The following CEP170 variants were observed in gnomAD, a reference collection of about 807,000 sequenced individuals.
CEP170 encodes the protein centrosomal protein 170, also known as centrosomal protein of 170 kDa.
A neutral mutation model predicts 151.9 loss-of-function variants in CEP170; 21 were observed. That is an observed-to-expected ratio of 0.14 (90% confidence interval 0.10 to 0.20). CEP170 has a LOEUF of 0.20. CEP170 is among the 10% of genes least tolerant of loss of function. The pLI is 1.00. For missense variants in CEP170, 964 were observed against 1,892.9 expected, an observed-to-expected ratio of 0.51 and a Z score of 9.11; for synonymous variants, 356 against 648.8, an observed-to-expected ratio of 0.55 and a Z score of 6.86.
chr1:243,132,115 G>T (rs1280029235), intron 17 of CEP170, among the ~76,000 whole-genome samples: 1 of 152,146 alleles, frequency 6.6e-6, no homozygotes, highest in Admixed American at 6.5e-5. Flanking sequence ...TACAATGTAA[G>T]TACGCATGCC....
intron 4 of CEP170, among the ~76,000 whole-genome samples, chr1:243,206,326 G>GT (rs2061419643): frequency 6.6e-6 from 1 of 152,194 alleles, no homozygotes; most frequent in African/African-American, 2.4e-5. Context: ...TAGAGACAGG[G>GT]TTTCCCCATG....
Position 243,164,968 on chromosome 1 carries a change from C to T in CEP170, c.2992G>A (p.Asp998Asn). ...MEKKTKSRSTDVGSRADGRKF... is the reference protein window; with the variant it reads ...MEKKTKSRSTNVGSRADGRKF... ...CGACCATCTGCTCTTGAACCCACAT[C>T]TGTGGAACGACTTTTTGTTTTCTTT... Residue 998 changes from aspartate to asparagine, a missense_variant, in exon 13 of 20, where the codon GAT becomes AAT. Physicochemically the swap from Asp to Asn is conservative, Grantham distance 23. Coordinates refer to ENST00000366542, the MANE Select transcript of CEP170 (RefSeq NM_014812.3). The T allele has an allele frequency of 6.2e-7, 1 of 1,613,886 alleles. No individual in the cohort carries two copies. Among genetic ancestry groups the T allele is most frequent in the African/African-American group, 1.3e-5 (1 of 75,072 alleles).
At position 243,126,062 on chromosome 1, in the gene CEP170, G is replaced by C; in HGVS notation, c.*387C>G. ...TACAGATGAAGAAGTCCATTTCAGG[G>C]AGCAGCTTGGCACAGGAGACTTAGG... On this transcript the variant is annotated 3_prime_UTR_variant, in exon 20 of 20. Transcript: ENST00000366542. 4.4e-6 allele frequency: 2 copies of C among 458,744 alleles called. No individual in the cohort carries two copies. The highest frequency in any genetic ancestry group is 6.9e-5 in the East Asian group (1 of 14,480). The allele number at this position is 458,744 out of a possible 1,614,324, so 28.4% of individuals were successfully genotyped here.
chr1:243,194,241 C>T (rs1407327494), intron 7 of CEP170, among the ~76,000 whole-genome samples: 1 of 151,898 alleles, frequency 6.6e-6, no homozygotes, highest in Non-Finnish European at 1.5e-5. Flanking sequence ...AGTCCAGTAC[C>T]ATTCAGTATA....
At chr1:243,159,763 T>TTGTG (rs565534328) in intron 13 of CEP170, among the ~76,000 whole-genome samples, 5,226 of 127,114 alleles carry the variant, frequency 0.041, 184 homozygotes, top group African/African-American at 0.089. Flanking sequence ...GTTTCCGGTT[T>TTGTG]TGTGTGTGTG....
At chr1:243,216,867 G>A (rs2062348896) in intron 3 of CEP170, among the ~76,000 whole-genome samples, 2 of 152,182 alleles carry the variant, frequency 1.3e-5, no homozygotes, top group African/African-American at 4.8e-5. Flanking sequence ...CCAAAATGAA[G>A]ACTTCAGTGT....
chr1:243,241,730 C>G (rs1365028357), intron 1 of CEP170, among the ~76,000 whole-genome samples: 4 of 149,846 alleles, frequency 2.7e-5, no homozygotes, highest in Non-Finnish European at 5.9e-5. Flanking sequence ...GCAGAGGTTG[C>G]AGAGAGCCGA....
At position 243,150,866 on chromosome 1, in the gene CEP170, C is replaced by T. The variant is rs2789245; in HGVS notation, c.3911+5355G>A. 6.8e-3 allele frequency among the ~76,000 whole-genome samples: 1,039 copies of T among 152,240 alleles called. 14 individuals carry two copies. Among genetic ancestry groups the T allele is most frequent in the African/African-American group, 0.024 (986 of 41,546 alleles). On this transcript the variant is annotated intron_variant, in intron 14 of 19. Transcript: ENST00000366542. The stretch of plus-strand genomic sequence containing the variant: ...GTTGGCACCATTACGTCCATTTTAC[C>T]GATGAGATCACTAGAACACATTTAA...
chr1:243,222,485 C>T (rs954640851), intron 2 of CEP170, among the ~76,000 whole-genome samples: 3 of 152,272 alleles, frequency 2.0e-5, no homozygotes, highest in Non-Finnish European at 2.9e-5. Context: ...TGGAAGCACC[C>T]AAAAGCAGAA....
At chr1:243,199,864 A>C (rs1474689494) in intron 6 of CEP170, among the ~76,000 whole-genome samples, 2 of 152,056 alleles carry the variant, frequency 1.3e-5, no homozygotes, top group Non-Finnish European at 2.9e-5. Flanking sequence ...TTTGATTTAA[A>C]AAATTTTTCT....
intron 12 of CEP170, chr1:243,168,327 A>G (rs2058588300): frequency 6.6e-6 from 1 of 152,004 alleles, no homozygotes; most frequent in Non-Finnish European, 1.5e-5. Context: ...ACAAATTTCC[A>G]TTTTCAACCG....
chr1:243,154,712 T>A (rs1324211113), intron 14 of CEP170, among the ~76,000 whole-genome samples: 1 of 152,260 alleles, frequency 6.6e-6, no homozygotes, highest in Non-Finnish European at 1.5e-5. Context: ...ATAGTAACAC[T>A]ATGCACATAG....
At chr1:243,138,025 A>G (rs1023765205) in intron 16 of CEP170, among the ~76,000 whole-genome samples, 4 of 151,934 alleles carry the variant, frequency 2.6e-5, no homozygotes, top group African/African-American at 9.7e-5. Flanking sequence ...CAAATTAGGA[A>G]GGCATGAGAA....
At chr1:243,159,479 C>A (rs1310536517) in intron 13 of CEP170, among the ~76,000 whole-genome samples, 1 of 152,190 alleles carries the variant, frequency 6.6e-6, no homozygotes, top group South Asian at 2.1e-4. Flanking sequence ...GCTACCTAAC[C>A]TTTTTTCTTC....
At chr1:243,145,008 T>C (rs1255710892) in intron 14 of CEP170, among the ~76,000 whole-genome samples, 3 of 152,128 alleles carry the variant, frequency 2.0e-5, no homozygotes, top group Non-Finnish European at 4.4e-5. Context: ...GTCATAAAGT[T>C]TATAATTTTC....
chr1:243,156,106 T>G (rs1203813851), intron 14 of CEP170, 115 bp downstream of exon 14: 11 of 1,312,676 alleles, frequency 8.4e-6, no homozygotes, highest in Non-Finnish European at 4.1e-6. Flanking sequence ...CACAGTTATC[T>G]GTGGATTTCA....
intron 1 of CEP170, among the ~76,000 whole-genome samples, chr1:243,245,289 G>C (rs2065264493): frequency 6.6e-6 from 1 of 151,722 alleles, no homozygotes; most frequent in Non-Finnish European, 1.5e-5. Context: ...TCATCAAAGT[G>C]GCAAAACTGT....
At chr1:243,164,148 C>T (rs1298677271) in intron 13 of CEP170, 136 bp downstream of exon 13, 2 of 1,156,554 alleles carry the variant, frequency 1.7e-6, no homozygotes, top group African/African-American at 3.2e-5. Flanking sequence ...ACCGCCGCTG[C>T]CCCGTATATC....
chr1:243,181,152 T>C (rs1210182059), intron 10 of CEP170, among the ~76,000 whole-genome samples: 1 of 152,216 alleles, frequency 6.6e-6, no homozygotes, highest in African/African-American at 2.4e-5. Context: ...GTCTTCCTCT[T>C]GCCTCAGTGG....
Sources: allele counts gnomAD v4.1 joint callset (sites outside exome capture counted in the v4.1 genomes callset), GRCh38; gene constraint gnomAD v4.1.1; transcripts MANE v1.5; gene names NCBI Gene and HGNC (gene_info 2026-07-23, HGNC 2026-07-21).